Variants in UNC80 observed in about 807,000 individuals in gnomAD.
UNC80 encodes the protein unc-80 subunit of NALCN channel complex.
UNC80 carries 164 observed loss-of-function variants against 384.6 expected under a neutral mutation model. That is an observed-to-expected ratio of 0.43 (90% CI 0.38 to 0.49). The LOEUF is 0.49. Among genes scored for constraint, UNC80 ranks in the 20% least tolerant of loss-of-function variants. UNC80 has a pLI of 0.00. For synonymous variants in UNC80, 1,486 were observed against 1,527.8 expected, an observed-to-expected ratio of 0.97 and a Z score of 0.64; for missense variants, 3,330 against 4,143.0, an observed-to-expected ratio of 0.80 and a Z score of 5.39.
chr2:209,772,098 G>C lies in UNC80; in HGVS notation c.26G>C (p.Gly9Ala), dbSNP rs1256509145. The C allele has an allele frequency of 7.7e-6, 12 of 1,549,506 alleles. No homozygotes were observed. Among genetic ancestry groups the C allele is most frequent in the Non-Finnish European group, 1.0e-5 (12 of 1,146,392 alleles). MVKRKSSE[G>A]QEQDGGRGIP... is the part of the protein sequence containing the mutation. ...ATGGTGAAGAGGAAGAGCTCCGAGG[G>C]CCAGGAGCAGGACGGCGGCCGCGGC... Residue 9 changes from glycine (G) to alanine (A), a missense_variant, in exon 1 of 65, where the codon GGC (glycine) becomes GCC (alanine). This residue lies in a region of UNC80 where 86 missense variants were observed against 141.5 expected (regional missense o/e 0.61). Coordinates refer to ENST00000673920, the MANE Select transcript of UNC80 (RefSeq NM_001371986.1).
intron 5 of UNC80, among the ~76,000 whole-genome samples, chr2:209,787,247 C>T (rs1159592581): frequency 7.8e-6 from 1 of 127,652 alleles, no homozygotes; most frequent in Non-Finnish European, 1.6e-5. Context: ...CCAGTTTACT[C>T]ACAATTTGAA....
At chr2:209,832,196 C>CGA (rs990255526) in intron 16 of UNC80, among the ~76,000 whole-genome samples, 7 of 151,928 alleles carry the variant, frequency 4.6e-5, no homozygotes, top group Non-Finnish European at 1.0e-4. Flanking sequence ...GACCACAAAT[C>CGA]GAGTTCAGTG....
Position 209,921,451 on chromosome 2 carries a change from C to T in UNC80, c.5344-49C>T, listed in dbSNP as rs1225952831. 9 of 1,498,374 alleles carry T rather than the reference C, an allele frequency of 6.0e-6. No homozygotes were observed. The Admixed American group carries it at 6.7e-5, about 11-fold the overall frequency. 92.8% of individuals were successfully genotyped at this position (1,498,374 alleles called of 1,614,324 possible). On this transcript the variant is annotated intron_variant, in intron 33 of 64. Transcript: ENST00000673920. ...ATTGGAACACTCTTTATGCCTGTGACCTTGCAGAAGAATTGCTATTAAATG... is the reference window on the plus strand; with the variant it reads ...ATTGGAACACTCTTTATGCCTGTGATCTTGCAGAAGAATTGCTATTAAATG...
chr2:209,914,077 A>G lies in UNC80; in HGVS notation c.5029+137A>G. On this transcript the variant is annotated intron_variant, in intron 31 of 64. Transcript: ENST00000673920. ...GGCAATTGCTATAACTGTAGACTCTAGAGCTGTGTGCTATAGGAAGGTAGA... is the reference window on the plus strand; with the variant it reads ...GGCAATTGCTATAACTGTAGACTCTGGAGCTGTGTGCTATAGGAAGGTAGA... 4 of 1,084,016 alleles carry G rather than the reference A, an allele frequency of 3.7e-6. 1 individual carries two copies. In the South Asian group the frequency reaches 7.7e-5, roughly 21 times the overall value. 67.1% of individuals were successfully genotyped at this position (1,084,016 alleles called of 1,614,324 possible).
At chr2:209,884,181 A>G (rs544067560) in intron 25 of UNC80, among the ~76,000 whole-genome samples, 1 of 152,360 alleles carries the variant, frequency 6.6e-6, no homozygotes, top group African/African-American at 2.4e-5. Context: ...CAACAAAGGA[A>G]TATTTTTTAA....
chr2:209,872,114 C>G lies in UNC80; in HGVS notation c.3628-644C>G, dbSNP rs557738278. 3.3e-5 allele frequency among the ~76,000 whole-genome samples: 5 copies of G among 152,106 alleles called. No individual in the cohort carries two copies. The highest frequency in any genetic ancestry group is 7.3e-5 in the Non-Finnish European group (5 of 68,032). ...ACCTCCCAGGTTCAAGCCTCAGCCT[C>G]CTGAGTAGCTGGGACTACAAGCACG... is the stretch of plus-strand genomic sequence containing the variant. On this transcript the variant is annotated intron_variant, in intron 22 of 64. Transcript: ENST00000673920. The surrounding 1 kb of genome is among the most constrained non-coding windows in gnomAD (Gnocchi z 4.1).
chr2:209,906,020 C>T (rs1027142751), intron 29 of UNC80, among the ~76,000 whole-genome samples: 2 of 152,084 alleles, frequency 1.3e-5, no homozygotes, highest in African/African-American at 4.8e-5. Flanking sequence ...TTTCAACGGG[C>T]ATTTATTATG....
At chr2:209,779,097 C>G (rs1015938588) in intron 4 of UNC80, among the ~76,000 whole-genome samples, 1 of 152,198 alleles carries the variant, frequency 6.6e-6, no homozygotes, top group East Asian at 1.9e-4. Context: ...TTTAAAATCT[C>G]TAGCTTCCCA....
intron 7 of UNC80, among the ~76,000 whole-genome samples, chr2:209,799,088 T>G (rs957927161): frequency 2.0e-5 from 3 of 146,686 alleles, no homozygotes; most frequent in Non-Finnish European, 3.0e-5. Flanking sequence ...AATAAGTGTT[T>G]TTTTTTTTTC....
intron 61 of UNC80, among the ~76,000 whole-genome samples, chr2:209,986,536 G>C (rs534866989): frequency 6.6e-6 from 1 of 152,302 alleles, no homozygotes; most frequent in East Asian, 1.9e-4. Flanking sequence ...GGTGAGACTG[G>C]TTCAGAGCCA....
At chr2:209,797,879 G>A (rs1361908711) in intron 7 of UNC80, among the ~76,000 whole-genome samples, 1 of 152,142 alleles carries the variant, frequency 6.6e-6, no homozygotes, top group Non-Finnish European at 1.5e-5. Flanking sequence ...GTATCTCATT[G>A]TGGTTTTTAT....
chr2:209,789,555 A>G lies in UNC80; in HGVS notation c.748A>G (p.Ser250Gly). 1.2e-6 allele frequency: 2 copies of G among 1,613,548 alleles called. No homozygotes were observed. The highest frequency in any genetic ancestry group is 1.7e-6 in the Non-Finnish European group (2 of 1,179,634). ...ITAKRSSPIN[S>G]QSRTCESPNQ... ...AGCTAAGAGAAGTTCTCCTATCAAC[A>G]GTCAAAGCCGGACCTGTGAATCACC... Residue 250 changes from serine (S) to glycine (G), a missense_variant, in exon 6 of 65, where the codon AGT (serine) becomes GGT (glycine). Ser to Gly is a moderately conservative substitution (Grantham distance 56). Transcript: ENST00000673920.
intron 59 of UNC80, among the ~76,000 whole-genome samples, chr2:209,981,507 G>A (rs933962898): frequency 1.3e-5 from 2 of 152,266 alleles, no homozygotes; most frequent in Non-Finnish European, 2.9e-5. Context: ...GAACCTGGGA[G>A]GCGGAGGTTC....
chr2:209,825,018 A>G (rs180887039), intron 13 of UNC80, among the ~76,000 whole-genome samples: 1 of 152,276 alleles, frequency 6.6e-6, no homozygotes, highest in Admixed American at 6.5e-5. Context: ...AAACACAAAG[A>G]GATTAGTTAA....
chr2:209,838,270 G>A (rs549698488), intron 18 of UNC80, among the ~76,000 whole-genome samples: 11 of 128,882 alleles, frequency 8.5e-5, no homozygotes, highest in South Asian at 2.5e-4. Flanking sequence ...CCCCCACCCC[G>A]CACCCCTCAT....
At chr2:209,800,155 T>C (rs894800814) in intron 7 of UNC80, among the ~76,000 whole-genome samples, 1 of 152,096 alleles carries the variant, frequency 6.6e-6, no homozygotes, top group African/African-American at 2.4e-5. Context: ...AGCTCTTCTT[T>C]GTATTTCTGG....
chr2:209,778,801 A>G (rs1469807220), intron 4 of UNC80, among the ~76,000 whole-genome samples: 2 of 152,226 alleles, frequency 1.3e-5, no homozygotes, highest in African/African-American at 4.8e-5. Flanking sequence ...TCTTTAATAG[A>G]ATATTATAAC....
intron 22 of UNC80, among the ~76,000 whole-genome samples, chr2:209,856,653 T>C (rs1343552055): frequency 1.3e-5 from 2 of 152,128 alleles, no homozygotes; most frequent in African/African-American, 4.8e-5. Context: ...CCTAGCACAA[T>C]ATATTGACTA....
chr2:209,857,365 T>C (rs1453782010), intron 22 of UNC80, among the ~76,000 whole-genome samples: 1 of 152,212 alleles, frequency 6.6e-6, no homozygotes, highest in Non-Finnish European at 1.5e-5. Flanking sequence ...TTTAATTTTT[T>C]CAGTAGTTTA....
Sources: allele counts gnomAD v4.1 joint callset (sites outside exome capture counted in the v4.1 genomes callset), GRCh38; gene constraint gnomAD v4.1.1; regional missense constraint gnomAD v4.1.1; non-coding constraint Gnocchi (gnomAD v3.1); transcripts MANE v1.5; gene names NCBI Gene and HGNC (gene_info 2026-07-23, HGNC 2026-07-21).